The following PDGFC variants were observed in gnomAD, a reference collection of about 807,000 sequenced individuals.
PDGFC encodes the protein platelet derived growth factor C, also known as platelet-derived growth factor C.
PDGFC carries 12 observed loss-of-function variants against 35.5 expected under a neutral mutation model. The ratio of observed to expected loss-of-function variants is 0.34; its 90% CI spans 0.22 to 0.55. The LOEUF is 0.55. PDGFC is among the 20% of genes least tolerant of loss of function. The pLI is 0.91. For synonymous variants in PDGFC, 159 were observed against 148.8 expected (o/e 1.07, Z -0.50); for missense variants, 322 against 412.4 (o/e 0.78, Z 1.90).
chr4:156,942,857 T>A lies in PDGFC; in HGVS notation c.118+27929A>T, dbSNP rs150245343. On this transcript the variant is annotated intron_variant, in intron 1 of 5. Transcript: ENST00000502773. ...ATTATGAATACAATGAATAATTTCC[T>A]CTTAAAACCTTTAAGGAATTCTGAG... Among the ~76,000 whole-genome samples, 8 of 152,050 alleles carry A rather than the reference T, an allele frequency of 5.3e-5. No homozygotes were observed. In the East Asian group the frequency reaches 1.5e-3, roughly 29 times the overall value.
intron 1 of PDGFC, among the ~76,000 whole-genome samples, chr4:156,905,258 T>C (rs1440636992): frequency 6.6e-6 from 1 of 152,110 alleles, no homozygotes. Flanking sequence ...TGAGAGCACC[T>C]ACTGAATAAT....
At chr4:156,812,336 CAG>C (rs1731956526) in intron 2 of PDGFC, among the ~76,000 whole-genome samples, 1 of 151,954 alleles carries the variant, frequency 6.6e-6, no homozygotes, top group Non-Finnish European at 1.5e-5. Flanking sequence ...TATATTGAAA[CAG>C]ATTATTTTAA....
At chr4:156,815,815 T>C (rs984281561) in intron 2 of PDGFC, among the ~76,000 whole-genome samples, 1 of 152,164 alleles carries the variant, frequency 6.6e-6, no homozygotes, top group Admixed American at 6.5e-5. Flanking sequence ...ATTTAAAGGA[T>C]TTACTAAACC....
intron 1 of PDGFC, among the ~76,000 whole-genome samples, chr4:156,927,811 G>T (rs78170061): frequency 1.3e-5 from 2 of 152,042 alleles, no homozygotes; most frequent in Admixed American, 1.3e-4. Context: ...TTCCAAAGTC[G>T]CTTCCACATT....
At chr4:156,959,833 T>C (rs1273763773) in intron 1 of PDGFC, among the ~76,000 whole-genome samples, 1 of 151,950 alleles carries the variant, frequency 6.6e-6, no homozygotes, top group Admixed American at 6.6e-5. Context: ...TTTCCTAGGA[T>C]GTAAATGTTA....
At chr4:156,834,827 T>C (rs944192234) in intron 2 of PDGFC, among the ~76,000 whole-genome samples, 3 of 152,114 alleles carry the variant, frequency 2.0e-5, no homozygotes, top group African/African-American at 7.2e-5. Flanking sequence ...TACTACTTCA[T>C]AACTGTCAGT....
intron 1 of PDGFC, among the ~76,000 whole-genome samples, chr4:156,957,391 T>G (rs1490243477): frequency 2.6e-5 from 4 of 151,978 alleles, no homozygotes; most frequent in Non-Finnish European, 5.9e-5. Flanking sequence ...TTTCTTTGTG[T>G]CAACCTGGAA....
intron 1 of PDGFC, among the ~76,000 whole-genome samples, chr4:156,853,893 G>T (rs1329509028): frequency 6.6e-6 from 1 of 152,150 alleles, no homozygotes; most frequent in Non-Finnish European, 1.5e-5. Flanking sequence ...AGCCCAGGAG[G>T]TTGAGGCTGC....
chr4:156,781,743 C>T lies in PDGFC; in HGVS notation c.496-8850G>A, dbSNP rs150942721. On this transcript the variant is annotated intron_variant, in intron 3 of 5. Transcript: ENST00000502773. ...TGTCAAAATTACATGGTGAACACCT[C>T]ATTTATGTGTGTGTCTGTAGGAACA... 6.8e-3 allele frequency among the ~76,000 whole-genome samples: 1,034 copies of T among 152,202 alleles called. 7 individuals are homozygous for T. The highest frequency in any genetic ancestry group is 0.02 in the Middle Eastern group (6 of 294).
At chr4:156,833,672 G>A (rs1728997155) in intron 2 of PDGFC, among the ~76,000 whole-genome samples, 1 of 152,134 alleles carries the variant, frequency 6.6e-6, no homozygotes, top group Non-Finnish European at 1.5e-5. Context: ...ACAGCTAATA[G>A]AAAAAGTGAT....
chr4:156,969,965 T>C (rs184795219), intron 1 of PDGFC, among the ~76,000 whole-genome samples: 44 of 152,342 alleles, frequency 2.9e-4, no homozygotes, highest in Admixed American at 1.6e-3. Context: ...GTAAATCATA[T>C]GGGTTCAGAG....
intron 3 of PDGFC, among the ~76,000 whole-genome samples, chr4:156,774,202 C>T (rs1451488515): frequency 6.6e-6 from 1 of 152,210 alleles, no homozygotes; most frequent in African/African-American, 2.4e-5. Context: ...ACCTTCCACT[C>T]TAATCTGCTA....
chr4:156,932,227 A>G (rs1367834395), intron 1 of PDGFC, among the ~76,000 whole-genome samples: 1 of 152,132 alleles, frequency 6.6e-6, no homozygotes, highest in African/African-American at 2.4e-5. Context: ...CAGCAATCAA[A>G]GCAAGCATAA....
At chr4:156,795,954 A>AGCC (rs1227757267) in intron 3 of PDGFC, among the ~76,000 whole-genome samples, 1 of 152,134 alleles carries the variant, frequency 6.6e-6, no homozygotes, top group Non-Finnish European at 1.5e-5. Context: ...GAGGCAGCAG[A>AGCC]GCCTCATTCA....
intron 1 of PDGFC, among the ~76,000 whole-genome samples, chr4:156,966,990 T>C (rs560555311): frequency 5.9e-5 from 9 of 151,562 alleles, no homozygotes; most frequent in African/African-American, 2.2e-4. Flanking sequence ...CTTCCTCAAC[T>C]ATTTCAAACA....
chr4:156,937,046 T>C (rs1318610634), intron 1 of PDGFC, among the ~76,000 whole-genome samples: 1 of 152,114 alleles, frequency 6.6e-6, no homozygotes, highest in Non-Finnish European at 1.5e-5. Context: ...TAAGGGAACA[T>C]CCACGTAGAC....
At chr4:156,814,941 A>G (rs188539523) in intron 2 of PDGFC, among the ~76,000 whole-genome samples, 17 of 152,302 alleles carry the variant, frequency 1.1e-4, no homozygotes, top group Non-Finnish European at 2.4e-4. Flanking sequence ...ACTGAATTTG[A>G]TGCCATTTGG....
intron 1 of PDGFC, among the ~76,000 whole-genome samples, chr4:156,949,424 T>C (rs1732026890): frequency 6.6e-6 from 1 of 151,824 alleles, no homozygotes; most frequent in Admixed American, 6.6e-5. Flanking sequence ...GTAGTATGTG[T>C]GTGTGTCTCT....
chr4:156,791,261 A>C (rs1731293712), intron 3 of PDGFC, among the ~76,000 whole-genome samples: 3 of 152,204 alleles, frequency 2.0e-5, no homozygotes, highest in Non-Finnish European at 2.9e-5. Flanking sequence ...CCCACTATAA[A>C]GTGAAAATAC....
Sources: allele counts gnomAD v4.1 joint callset (sites outside exome capture counted in the v4.1 genomes callset), GRCh38; gene constraint gnomAD v4.1.1; transcripts MANE v1.5; gene names NCBI Gene and HGNC (gene_info 2026-07-23, HGNC 2026-07-21).